The following LTBP1 variants were observed in gnomAD, a reference collection of about 807,000 sequenced individuals.
The protein encoded by LTBP1 is latent transforming growth factor beta binding protein 1, also known as latent-transforming growth factor beta-binding protein 1.
Under a neutral mutation model 207.6 loss-of-function variants are expected in LTBP1, and 129 were observed. The ratio of observed to expected loss-of-function variants is 0.62; its 90% CI spans 0.54 to 0.72. LTBP1 has a LOEUF of 0.72. LTBP1 is among the 30% of genes least tolerant of loss of function. LTBP1 has a pLI of 0.00. For missense variants in LTBP1, 2,281 were observed against 2,217.2 expected (o/e 1.03, Z -0.58); for synonymous variants, 963 against 833.7 (o/e 1.16, Z -2.67).
intron 2 of LTBP1, among the ~76,000 whole-genome samples, chr2:32,993,694 G>A (rs907158684): frequency 2.0e-5 from 3 of 152,138 alleles, no homozygotes; most frequent in African/African-American, 7.2e-5. Flanking sequence ...TTTGGTGAGT[G>A]GCTCTTCCTG....
chr2:33,244,920 C>T (rs1245107892), intron 10 of LTBP1, among the ~76,000 whole-genome samples: 2 of 151,840 alleles, frequency 1.3e-5, no homozygotes, highest in Non-Finnish European at 2.9e-5. Context: ...CTTTTGTCAC[C>T]CAGGCTGGAG....
chr2:33,019,725 A>AT (rs1437624150), intron 2 of LTBP1, among the ~76,000 whole-genome samples: 3 of 151,908 alleles, frequency 2.0e-5, no homozygotes, highest in African/African-American at 7.2e-5. Flanking sequence ...CTCTTTTTAA[A>AT]TTTTTAATTT....
chr2:33,251,345 G>C (rs1400168939), intron 10 of LTBP1, among the ~76,000 whole-genome samples: 1 of 152,158 alleles, frequency 6.6e-6, no homozygotes, highest in Non-Finnish European at 1.5e-5. Flanking sequence ...AACATCTTCA[G>C]GAAGTCCTCC....
chr2:33,344,778 G>T (rs146853398), intron 25 of LTBP1, among the ~76,000 whole-genome samples: 1 of 152,160 alleles, frequency 6.6e-6, no homozygotes, highest in Non-Finnish European at 1.5e-5. Flanking sequence ...TTCTCCCTGG[G>T]CAGGGCACGA....
chr2:33,290,903 A>G (rs185302237), intron 19 of LTBP1, among the ~76,000 whole-genome samples: 53 of 152,338 alleles, frequency 3.5e-4, no homozygotes, highest in African/African-American at 1.2e-3. Context: ...ATCTGGGCCA[A>G]CGATATAATG....
chr2:33,119,620 G>A (rs1416690962), intron 4 of LTBP1, among the ~76,000 whole-genome samples: 1 of 152,016 alleles, frequency 6.6e-6, no homozygotes. Context: ...GGAGTGGTGC[G>A]ATCTTGGCTT....
chr2:33,090,821 A>C (rs2079042568), intron 3 of LTBP1, among the ~76,000 whole-genome samples: 1 of 152,226 alleles, frequency 6.6e-6, no homozygotes, highest in Admixed American at 6.5e-5. Flanking sequence ...GCCATTTCAT[A>C]TAGCTCTGCA....
intron 3 of LTBP1, among the ~76,000 whole-genome samples, chr2:33,072,583 G>C (rs760653783): frequency 6.6e-5 from 10 of 152,166 alleles, no homozygotes; most frequent in Non-Finnish European, 1.0e-4. Flanking sequence ...TAGTTTCTAA[G>C]GCCTTCCTTG....
chr2:33,128,044 AGT>A (rs1364376611), intron 4 of LTBP1, among the ~76,000 whole-genome samples: 1 of 152,160 alleles, frequency 6.6e-6, no homozygotes, highest in African/African-American at 2.4e-5. Flanking sequence ...TAATTTTCAA[AGT>A]GTGTGGTAGA....
chr2:33,021,253 C>T (rs780645042), intron 3 of LTBP1, 47 bp downstream of exon 3: 4 of 1,492,880 alleles, frequency 2.7e-6, no homozygotes, highest in Non-Finnish European at 3.6e-6. Context: ...CTTAATTACT[C>T]TCTTGGATGC....
chr2:33,108,914 A>G (rs1388279120), intron 3 of LTBP1, among the ~76,000 whole-genome samples: 1 of 152,214 alleles, frequency 6.6e-6, no homozygotes, highest in Non-Finnish European at 1.5e-5. Context: ...CATCAAAACA[A>G]AAGTGTTCAC....
chr2:33,392,837 T>G (rs1484740460), intron 32 of LTBP1, among the ~76,000 whole-genome samples: 1 of 152,164 alleles, frequency 6.6e-6, no homozygotes, highest in African/African-American at 2.4e-5. Context: ...TAAGTCTTTA[T>G]TTTGTGTGTT....
intron 3 of LTBP1, among the ~76,000 whole-genome samples, chr2:33,100,245 A>G (rs1299526851): frequency 6.6e-6 from 1 of 152,226 alleles, no homozygotes; most frequent in East Asian, 1.9e-4. Context: ...GAAGAGTGCG[A>G]GAGTGCAGGA....
intron 3 of LTBP1, among the ~76,000 whole-genome samples, chr2:33,044,849 T>G (rs1042958067): frequency 6.6e-6 from 1 of 152,226 alleles, no homozygotes; most frequent in Non-Finnish European, 1.5e-5. Flanking sequence ...TGATTTGCAT[T>G]TCTCTAATGG....
rs748948546 is a variant in LTBP1, at chr2:33,187,008, G to T, written c.1354G>T (p.Ala452Ser). Residue 452 changes from alanine to serine, a missense_variant, in exon 6 of 34, where the codon GCG (alanine) becomes TCG (serine). Coordinates refer to ENST00000404816, the MANE Select transcript of LTBP1 (RefSeq NM_206943.4). ...LYQHSQQPGK[A>S]LGTHVIHSTH... is the part of the protein sequence containing the mutation. ...TCAGCATTCCCAGCAGCCAGGCAAG[G>T]CGTTGGGGACGCATGTCATCCATTC... 6.2e-7 allele frequency: 1 copy of T among 1,614,206 alleles called. No individual in the cohort carries two copies. Among genetic ancestry groups the T allele is most frequent in the Non-Finnish European group, 8.5e-7 (1 of 1,180,026 alleles).
At chr2:33,049,418 T>C (rs74904528) in intron 3 of LTBP1, among the ~76,000 whole-genome samples, 5,954 of 152,276 alleles carry the variant, frequency 0.039, 200 homozygotes, top group Non-Finnish European at 0.066. Context: ...TGCATCAATG[T>C]GTCTTTTTCA....
chr2:33,383,801 T>C (rs2095242363), intron 31 of LTBP1, among the ~76,000 whole-genome samples: 1 of 152,240 alleles, frequency 6.6e-6, no homozygotes, highest in Admixed American at 6.5e-5. Flanking sequence ...CCTCCCAAAG[T>C]GCTGGGATTA....
At chr2:33,119,810 G>A (rs2080999299) in intron 4 of LTBP1, among the ~76,000 whole-genome samples, 1 of 152,084 alleles carries the variant, frequency 6.6e-6, no homozygotes, top group African/African-American at 2.4e-5. Context: ...CTCCCGCCTT[G>A]GCCTCCCAAA....
At chr2:33,218,689 G>A (rs2090893943) in intron 8 of LTBP1, among the ~76,000 whole-genome samples, 1 of 152,126 alleles carries the variant, frequency 6.6e-6, no homozygotes, top group African/African-American at 2.4e-5. Context: ...GAGCCACTGC[G>A]CCTGGCCATA....
Sources: gnomAD v4.1 joint callset for allele counts (sites outside exome capture counted in the v4.1 genomes callset) on GRCh38, gnomAD v4.1.1 for gene constraint, MANE v1.5 for transcripts, NCBI Gene and HGNC (gene_info 2026-07-23, HGNC 2026-07-21) for gene names.